MGAT4C: variants seen among roughly 807,000 people sequenced by gnomAD.
MGAT4C encodes alpha-1,3-mannosyl-glycoprotein 4-beta-N-acetylglucosaminyltransferase C.
A neutral mutation model predicts 40.1 loss-of-function variants in MGAT4C; 19 were observed. The ratio of observed to expected loss-of-function variants is 0.47; its 90% CI spans 0.33 to 0.70. The LOEUF (loss-of-function observed/expected upper bound fraction) is 0.70. MGAT4C is among the 30% of genes least tolerant of loss of function. The pLI is 0.02. For missense variants in MGAT4C, 491 were observed against 563.2 expected, an observed-to-expected ratio of 0.87 and a Z score of 1.30; for synonymous variants, 181 against 187.1, an observed-to-expected ratio of 0.97 and a Z score of 0.27.
Position 85,974,719 on chromosome 12 carries a change from C to T in MGAT4C, c.*4570G>A, listed in dbSNP as rs557655643. The T allele has an allele frequency of 6.6e-5, 10 of 150,712 alleles. No individual in the cohort carries two copies. The highest frequency in any genetic ancestry group is 2.4e-4 in the African/African-American group (10 of 41,376). 9.3% of individuals were successfully genotyped at this position (150,712 alleles called of 1,614,324 possible). On this transcript the variant is annotated 3_prime_UTR_variant, in exon 5 of 5. Coordinates refer to ENST00000611864, the MANE Select transcript of MGAT4C (RefSeq NM_001351288.2). ...AAAAATAAATGGCAATAACTAATCACATTGAATTTTGTTATGGCCTTTTTC... is the reference window on the plus strand; with the variant it reads ...AAAAATAAATGGCAATAACTAATCATATTGAATTTTGTTATGGCCTTTTTC...
At chr12:86,446,064 T>C (rs1391054139) in intron 2 of MGAT4C, among the ~76,000 whole-genome samples, 1 of 152,144 alleles carries the variant, frequency 6.6e-6, no homozygotes, top group Non-Finnish European at 1.5e-5. Flanking sequence ...TTTATATGTA[T>C]GTGTGTGTCT....
At chr12:86,384,336 A>C (rs534990430) in intron 3 of MGAT4C, among the ~76,000 whole-genome samples, 56 of 152,304 alleles carry the variant, frequency 3.7e-4, no homozygotes, top group African/African-American at 1.3e-3. Context: ...TGTGATTGTA[A>C]TTTGCAGGAT....
At chr12:86,277,610 A>C (rs1953108031) in intron 4 of MGAT4C, among the ~76,000 whole-genome samples, 1 of 152,204 alleles carries the variant, frequency 6.6e-6, no homozygotes, top group African/African-American at 2.4e-5. Flanking sequence ...ATTCTTCTGC[A>C]TATGGATATC....
chr12:86,767,340 C>A (rs889444272), intron 1 of MGAT4C, among the ~76,000 whole-genome samples: 1 of 152,008 alleles, frequency 6.6e-6, no homozygotes. Flanking sequence ...CTGAATAGAC[C>A]AAAACAGGCT....
chr12:86,786,851 A>G (rs1438045073), intron 1 of MGAT4C, among the ~76,000 whole-genome samples: 8 of 152,114 alleles, frequency 5.3e-5, no homozygotes. Flanking sequence ...TTCTCCAACA[A>G]TGTTTTAATT....
chr12:86,326,488 G>A (rs1052631100), intron 4 of MGAT4C, among the ~76,000 whole-genome samples: 18 of 151,878 alleles, frequency 1.2e-4, no homozygotes, highest in Admixed American at 9.2e-4. Context: ...AGAAAAAAAT[G>A]AATTACAAAG....
At chr12:86,503,776 A>ATATATATAT (rs368549139) in intron 2 of MGAT4C, among the ~76,000 whole-genome samples, 8 of 20,640 alleles carry the variant, frequency 3.9e-4, no homozygotes, top group Admixed American at 8.1e-4. Flanking sequence ...ATATATATAT[A>ATATATATAT]GAGTTCTGCT....
chr12:86,171,131 G>A (rs1016759326), intron 1 of MGAT4C, among the ~76,000 whole-genome samples: 1 of 138,498 alleles, frequency 7.2e-6, no homozygotes, highest in Admixed American at 7.9e-5. Flanking sequence ...CAGCACTTTG[G>A]GAGGCCGAAG....
intron 2 of MGAT4C, among the ~76,000 whole-genome samples, chr12:86,690,937 T>G (rs1950161353): frequency 1.3e-5 from 2 of 152,224 alleles, no homozygotes; most frequent in South Asian, 4.1e-4. Context: ...TTTAGACTTG[T>G]ATATTTCTGT....
intron 2 of MGAT4C, among the ~76,000 whole-genome samples, chr12:86,526,266 C>G (rs1042119541): frequency 1.3e-5 from 2 of 152,004 alleles, no homozygotes. Flanking sequence ...CACCAAGGTT[C>G]CAACTGCCAT....
chr12:86,431,153 C>A (rs1322111204), intron 3 of MGAT4C, among the ~76,000 whole-genome samples: 1 of 152,172 alleles, frequency 6.6e-6, no homozygotes, highest in Non-Finnish European at 1.5e-5. Context: ...TTTCACCATG[C>A]TTTCAAAGAC....
chr12:86,185,349 T>C (rs917491195), intron 1 of MGAT4C, among the ~76,000 whole-genome samples: 9 of 152,174 alleles, frequency 5.9e-5, no homozygotes, highest in Admixed American at 1.3e-4. Context: ...ACACAAAATA[T>C]GTCTGATACA....
chr12:86,193,524 T>C (rs1889751982), intron 1 of MGAT4C, among the ~76,000 whole-genome samples: 1 of 152,200 alleles, frequency 6.6e-6, no homozygotes, highest in African/African-American at 2.4e-5. Flanking sequence ...TATTTTCCTT[T>C]GCAGGAAAAA....
At position 86,630,512 on chromosome 12, in the gene MGAT4C, T is replaced by C. The variant is rs150043598; in HGVS notation, c.-229+96697A>G. Reference sequence around the variant, plus strand: ...GATGCAAAAATCCTCAATAAAATACTCGCAAACTGAATCCAGCAGCATATC... The same window carrying C: ...GATGCAAAAATCCTCAATAAAATACCCGCAAACTGAATCCAGCAGCATATC... On this transcript the variant is annotated intron_variant, in intron 2 of 7. Transcript: ENST00000548651. Among the ~76,000 whole-genome samples, 566 of 152,234 alleles carry C rather than the reference T, an allele frequency of 3.7e-3. 1 individual carries two copies. The highest frequency in any genetic ancestry group is 6.3e-3 in the Non-Finnish European group (430 of 68,018).
intron 2 of MGAT4C, among the ~76,000 whole-genome samples, chr12:85,997,299 T>G (rs1314926310): frequency 6.6e-6 from 1 of 152,194 alleles, no homozygotes; most frequent in Non-Finnish European, 1.5e-5. Flanking sequence ...CCTTGACACG[T>G]GGGAATTGTG....
intron 3 of MGAT4C, among the ~76,000 whole-genome samples, chr12:86,334,281 C>T (rs1424545761): frequency 1.3e-5 from 2 of 152,086 alleles, no homozygotes; most frequent in South Asian, 4.1e-4. Flanking sequence ...ATGATGTTTA[C>T]CCCTCTCTCT....
chr12:86,754,795 C>A (rs899546210), intron 1 of MGAT4C, among the ~76,000 whole-genome samples: 5 of 152,090 alleles, frequency 3.3e-5, no homozygotes, highest in Non-Finnish European at 7.4e-5. Flanking sequence ...AACTTTCTGT[C>A]CCCTGGACAG....
intron 1 of MGAT4C, among the ~76,000 whole-genome samples, chr12:86,169,153 T>G (rs1886520011): frequency 6.6e-6 from 1 of 152,146 alleles, no homozygotes; most frequent in South Asian, 2.1e-4. Context: ...ATGCATCACT[T>G]TCTTCTGCGG....
intron 1 of MGAT4C, among the ~76,000 whole-genome samples, chr12:86,245,231 C>T (rs1057051004): frequency 2.6e-5 from 4 of 152,180 alleles, no homozygotes; most frequent in East Asian, 1.9e-4. Flanking sequence ...TCAGACACTC[C>T]GTCCAGCCCT....
Sources: allele counts gnomAD v4.1 joint callset (sites outside exome capture counted in the v4.1 genomes callset), GRCh38; gene constraint gnomAD v4.1.1; transcripts MANE v1.5; gene names NCBI Gene and HGNC (gene_info 2026-07-23, HGNC 2026-07-21).